Variants in DOCK5 observed in about 807,000 individuals in gnomAD.
The protein encoded by DOCK5 is dedicator of cytokinesis protein 5.
A neutral mutation model predicts 251.8 loss-of-function variants in DOCK5; 142 were observed. The ratio of observed to expected loss-of-function variants is 0.56; its 90% CI spans 0.49 to 0.65. DOCK5 has a LOEUF of 0.65. Ranked by LOEUF, DOCK5 falls within the 30% of genes least tolerant of loss-of-function variation. The pLI is 0.00. For synonymous variants in DOCK5, 842 were observed against 835.5 expected, an observed-to-expected ratio of 1.01 and a Z score of -0.13; for missense variants, 2,111 against 2,312.3, an observed-to-expected ratio of 0.91 and a Z score of 1.79.
At chr8:25,242,558 C>G (rs188620336) in intron 1 of DOCK5, among the ~76,000 whole-genome samples, 3 of 152,108 alleles carry the variant, frequency 2.0e-5, no homozygotes, top group Admixed American at 2.0e-4. Flanking sequence ...TTTGTATTTT[C>G]CCATGACTAA....
At chr8:25,272,663 T>A (rs1803940455) in intron 3 of DOCK5, among the ~76,000 whole-genome samples, 1 of 152,174 alleles carries the variant, frequency 6.6e-6, no homozygotes, top group African/African-American at 2.4e-5. Flanking sequence ...CCACTCCTGC[T>A]TTTTTATGAG....
rs1478292487 is a variant in DOCK5, at chr8:25,356,906, ATTATATAT to A, written c.2851-2056_2851-2049del. ...AAATTTTAAATCCCTCTATATGAAG[ATTATATAT>A]ATATATATATATATATATATATATA... On this transcript the variant is annotated intron_variant, in intron 27 of 51. Transcript: ENST00000276440. Among the ~76,000 whole-genome samples, 9 of 102,126 alleles carry A rather than the reference ATTATATAT, an allele frequency of 8.8e-5. 1 individual carries two copies. Among genetic ancestry groups the A allele is most frequent in the African/African-American group, 3.5e-4 (9 of 25,408 alleles). The allele number at this position is 102,126 out of a possible 152,430, so 67.0% of individuals were successfully genotyped here.
At chr8:25,354,499 C>T (rs908564014) in intron 27 of DOCK5, among the ~76,000 whole-genome samples, 1 of 152,128 alleles carries the variant, frequency 6.6e-6, no homozygotes, top group Non-Finnish European at 1.5e-5. Context: ...AAGGGAAGGG[C>T]AGGACTGGAT....
chr8:25,382,447 AGC>A (rs112882045), intron 39 of DOCK5, among the ~76,000 whole-genome samples: 7 of 152,208 alleles, frequency 4.6e-5, no homozygotes, highest in African/African-American at 7.2e-5. Context: ...CACACACTTC[AGC>A]ATACACCCTC....
In DOCK5 at chr8:25,299,082, G is replaced by A. The variant is rs138086965; in HGVS notation, c.745G>A (p.Asp249Asn). The A allele has an allele frequency of 6.8e-6, 11 of 1,613,518 alleles. No individual in the cohort carries two copies. The highest frequency in any genetic ancestry group is 1.3e-5 in the African/African-American group (1 of 74,856). ...AELFMALYDPDQSTFISENYL... is the reference protein window; with the variant it reads ...AELFMALYDPNQSTFISENYL... The stretch of plus-strand genomic sequence containing the variant: ...GTTGTTTATGGCCCTCTACGACCCA[G>A]ACCAGTCCACTTTTATCAGGTAGCA... Residue 249 changes from aspartate (D) to asparagine (N), a missense_variant, in exon 8 of 52, where the codon GAC becomes AAC. By Grantham distance (23) the Asp-to-Asn change is conservative. Transcript: ENST00000276440.
intron 45 of DOCK5, among the ~76,000 whole-genome samples, 183 bp from the exon 46 acceptor site, chr8:25,399,728 C>T (rs546808976): frequency 5.3e-5 from 8 of 152,244 alleles, no homozygotes; most frequent in Non-Finnish European, 1.0e-4. Context: ...TAAGGAAAGA[C>T]CACACAATAG....
At chr8:25,410,968 T>C (rs1352486948) in intron 51 of DOCK5, among the ~76,000 whole-genome samples, 47 of 28,284 alleles carry the variant, frequency 1.7e-3, no homozygotes, top group African/African-American at 5.2e-3. Flanking sequence ...TGTGTGTGTG[T>C]GTGTGCGCGC....
intron 37 of DOCK5, chr8:25,375,903 G>A (rs1323948399): frequency 1.2e-6 from 1 of 846,234 alleles, no homozygotes; most frequent in African/African-American, 1.8e-5. Flanking sequence ...TTCAAGACCA[G>A]CCTGGCTAAC....
chr8:25,320,899 A>G (rs2117200162), intron 15 of DOCK5, 81 bp from the exon 16 acceptor site: 2 of 1,250,678 alleles, frequency 1.6e-6, no homozygotes, highest in East Asian at 2.4e-5. Flanking sequence ...AAAGTATAAA[A>G]TTGAGCCTAA....
At chr8:25,258,560 T>C (rs1164575363) in intron 2 of DOCK5, among the ~76,000 whole-genome samples, 2 of 152,144 alleles carry the variant, frequency 1.3e-5, no homozygotes, top group African/African-American at 2.4e-5. Flanking sequence ...ATTCTGGCCG[T>C]GTAGGCAGGG....
rs1024103024 is a variant in DOCK5 at position 25,411,130 on chromosome 8, G to A, written c.5509-64G>A. The A allele has an allele frequency of 9.0e-6, 13 of 1,436,968 alleles. No individual in the cohort carries two copies. In the Admixed American group the frequency reaches 3.0e-4, roughly 33 times the overall value. The allele number at this position is 1,436,968 out of a possible 1,614,324, so 89.0% of individuals were successfully genotyped here. A position where few individuals can be genotyped will look rare whatever the true frequency, so the allele number is the denominator to read the frequency against. ...CTAAAGCAGAATATGAGAAATAGGA[G>A]GAGAAGGCAGAATTGGGAAGAAAGC... On this transcript the variant is annotated intron_variant, in intron 51 of 51. Coordinates refer to ENST00000276440, the MANE Select transcript of DOCK5 (RefSeq NM_024940.8).
intron 2 of DOCK5, among the ~76,000 whole-genome samples, chr8:25,260,095 C>A (rs1803534440): frequency 6.6e-6 from 1 of 152,036 alleles, no homozygotes; most frequent in South Asian, 2.1e-4. Flanking sequence ...TTTGTCTGTC[C>A]TGTGACGAGT....
chr8:25,410,322 C>G (rs1801599749), intron 51 of DOCK5, 120 bp downstream of exon 51: 1 of 783,476 alleles, frequency 1.3e-6, no homozygotes, highest in South Asian at 1.7e-5. Context: ...GCAGTCGATT[C>G]TTGGCTCATT....
At chr8:25,240,277 T>TAAAA (rs11314754) in intron 1 of DOCK5, among the ~76,000 whole-genome samples, 1 of 134,500 alleles carries the variant, frequency 7.4e-6, no homozygotes, top group Non-Finnish European at 1.6e-5. Flanking sequence ...TAAATCTACT[T>TAAAA]AAAAAAAAAA....
At chr8:25,255,834 C>T (rs1032472517) in intron 2 of DOCK5, among the ~76,000 whole-genome samples, 7 of 152,124 alleles carry the variant, frequency 4.6e-5, no homozygotes, top group African/African-American at 1.7e-4. Flanking sequence ...TAAAATTGCT[C>T]TACAAATTAA....
chr8:25,336,391 G>A lies in DOCK5; in HGVS notation c.2327+18G>A, dbSNP rs750163479. ...TACTTGAGGTAATGTTAACTGCAGT[G>A]AAGATGTTTAGATTATCAGCTGTCA... On this transcript the variant is annotated intron_variant, in intron 22 of 51. Coordinates refer to ENST00000276440, the MANE Select transcript of DOCK5 (RefSeq NM_024940.8). The A allele has an allele frequency of 2.5e-6, 4 of 1,609,932 alleles. No individual in the cohort carries two copies. The highest frequency in any genetic ancestry group is 2.5e-6 in the Non-Finnish European group (3 of 1,176,532).
chr8:25,345,590 G>A lies in DOCK5; in HGVS notation c.2733G>A (p.Glu911=). 3 of 1,613,894 alleles carry A rather than the reference G, an allele frequency of 1.9e-6. No individual in the cohort carries two copies. The highest frequency in any genetic ancestry group is 2.5e-6 in the Non-Finnish European group (3 of 1,179,898). ...CGCAGCTTCTGAGCAACATCCTGGAGGTGCTGGACAGGAAGGATGTGGTGA... is the reference window on the plus strand; with the variant it reads ...CGCAGCTTCTGAGCAACATCCTGGAAGTGCTGGACAGGAAGGATGTGGTGA... The part of the protein sequence containing the change: ...ASSQLLSNIL[E]VLDRKDVGAT... The change falls in exon 26 of 52, where the codon GAG becomes GAA. Residue 911 remains glutamate (E), a synonymous_variant. Coordinates refer to ENST00000276440, the MANE Select transcript of DOCK5 (RefSeq NM_024940.8).
intron 47 of DOCK5, among the ~76,000 whole-genome samples, chr8:25,401,622 T>C (rs1040986423): frequency 6.6e-6 from 1 of 152,122 alleles, no homozygotes; most frequent in Non-Finnish European, 1.5e-5. Context: ...TAGTCCCGGC[T>C]ATTCAGGAGG....
intron 1 of DOCK5, among the ~76,000 whole-genome samples, chr8:25,218,769 C>T (rs1399903974): frequency 3.3e-5 from 5 of 152,068 alleles, no homozygotes; most frequent in African/African-American, 1.2e-4. Context: ...TGTGGCTCTT[C>T]TAGGGAGAGG....
Sources: allele counts gnomAD v4.1 joint callset (sites outside exome capture counted in the v4.1 genomes callset), GRCh38; gene constraint gnomAD v4.1.1; transcripts MANE v1.5; gene names NCBI Gene and HGNC (gene_info 2026-07-23, HGNC 2026-07-21).